CD300LF: variants seen among roughly 807,000 people sequenced by gnomAD.
CD300LF encodes the protein CD300 molecule like family member f, also known as CMRF35-like molecule 1.
Under a neutral mutation model 32.2 loss-of-function variants are expected in CD300LF, and 27 were observed. The observed-to-expected ratio is 0.84, with a 90% CI of 0.62 to 1.15. The LOEUF (loss-of-function observed/expected upper bound fraction) is 1.15. CD300LF is among the 50% of genes most tolerant of loss of function. The probability of loss-of-function intolerance (pLI) is 0.00; values close to 1 mark genes in which losing one functional copy is unlikely to be tolerated. For synonymous variants in CD300LF, 139 were observed against 143.2 expected (o/e 0.97, Z 0.21); for missense variants, 348 against 356.8 (o/e 0.98, Z 0.20).
Position 74,704,508 on chromosome 17 carries a change from C to T in CD300LF, c.352G>A (p.Gly118Arg), listed in dbSNP as rs751453870. ...CGIEKTGNDL[G>R]VTVQVTIDPA... ...TCAATGGTCACTTGAACTGTGACCC[C>T]AAGGTCATTTCCAGTTTTCTCAATT... The change falls in exon 2 of 7, where the codon GGG becomes AGG. Residue 118 changes from glycine to arginine, a missense_variant. Coordinates refer to ENST00000326165, the MANE Select transcript of CD300LF (RefSeq NM_139018.5). The T allele has an allele frequency of 6.2e-7, 1 of 1,613,916 alleles. No homozygotes were observed.
At chr17:74,698,540 A>G in intron 3 of CD300LF, 59 bp from the exon 4 acceptor site, 4 of 1,554,446 alleles carry the variant, frequency 2.6e-6, no homozygotes, top group Non-Finnish European at 3.5e-6. Flanking sequence ...TCTCAGCCCA[A>G]TCCCACCCAC....
At chr17:74,708,260 A>G (rs1490555702) in intron 1 of CD300LF, among the ~76,000 whole-genome samples, 1 of 152,218 alleles carries the variant, frequency 6.6e-6, no homozygotes, top group Non-Finnish European at 1.5e-5. Context: ...TTATATTTAA[A>G]TAAATCAAAT....
intron 3 of CD300LF, among the ~76,000 whole-genome samples, chr17:74,698,776 C>T (rs555733674): frequency 6.6e-6 from 1 of 152,288 alleles, no homozygotes; most frequent in South Asian, 2.1e-4. Context: ...TACCTATTAC[C>T]TGGGTGACAA....
chr17:74,703,121 C>T (rs775002575), intron 2 of CD300LF, 23 bp from the exon 3 acceptor site: 29 of 1,613,528 alleles, frequency 1.8e-5, no homozygotes, highest in African/African-American at 2.7e-5. Flanking sequence ...TGGAGGTAGG[C>T]GTGGTGGGGG....
At chr17:74,712,761 T>G in intron 1 of CD300LF, 63 bp downstream of exon 1, 1 of 1,584,440 alleles carries the variant, frequency 6.3e-7, no homozygotes, top group Non-Finnish European at 8.7e-7. Flanking sequence ...CCTTCTTCCC[T>G]CTCTCAGCCA....
At chr17:74,703,905 T>G (rs148908524) in intron 2 of CD300LF, among the ~76,000 whole-genome samples, 21 of 152,350 alleles carry the variant, frequency 1.4e-4, no homozygotes, top group Admixed American at 2.6e-4. Flanking sequence ...GAAATATCAT[T>G]AAGTCCACAC....
intron 1 of CD300LF, among the ~76,000 whole-genome samples, chr17:74,709,522 A>G (rs958794362): frequency 3.3e-5 from 5 of 152,146 alleles, no homozygotes; most frequent in Non-Finnish European, 5.9e-5. Flanking sequence ...ATTTTCCACA[A>G]TTAAAAAGAC....
intron 1 of CD300LF, chr17:74,705,363 A>G: frequency 1.5e-6 from 1 of 656,048 alleles, no homozygotes; most frequent in Non-Finnish European, 2.8e-6. Flanking sequence ...AGCAACGGCA[A>G]CTGGTCTCCA....
intron 1 of CD300LF, among the ~76,000 whole-genome samples, chr17:74,710,704 C>T (rs1161793683): frequency 1.4e-5 from 2 of 139,540 alleles, no homozygotes; most frequent in Non-Finnish European, 3.1e-5. Flanking sequence ...ACTAAAAATA[C>T]GAAAAAAAAA....
rs951527544 is a variant in CD300LF at position 74,704,676 on chromosome 17, A to G, written c.184T>C (p.Cys62Arg). The change falls in exon 2 of 7, where the codon TGC becomes CGC. Residue 62 changes from cysteine to arginine, a missense_variant. Coordinates refer to ENST00000326165, the MANE Select transcript of CD300LF (RefSeq NM_139018.5). ...CCACTGGTTTTAACAAGGATCTTGC[A>G]GTCACGCCAAATAGCTCCTCGACAC... Reference protein sequence around the residue: ...WWCRGAIWRDCKILVKTSGSE... With the variant: ...WWCRGAIWRDRKILVKTSGSE... 2 of 1,614,214 alleles carry G rather than the reference A, an allele frequency of 1.2e-6. No homozygotes were observed. Among genetic ancestry groups the G allele is most frequent in the African/African-American group, 1.3e-5 (1 of 75,052 alleles).
chr17:74,698,563 G>A (rs752233808), intron 3 of CD300LF, 82 bp from the exon 4 acceptor site: 5 of 1,534,994 alleles, frequency 3.3e-6, no homozygotes, highest in Middle Eastern at 1.7e-4. Context: ...AGCAGCAGGG[G>A]AGGGCCACAC....
At chr17:74,695,908 A>G in intron 5 of CD300LF, 49 bp from the exon 6 acceptor site, 1 of 1,585,550 alleles carries the variant, frequency 6.3e-7, no homozygotes, top group South Asian at 1.1e-5. Flanking sequence ...GTCTGTGGAC[A>G]CAGGTTCCTT....
Position 74,704,792 on chromosome 17 carries a change from G to A in CD300LF, c.68C>T (p.Thr23Ile). The A allele has an allele frequency of 6.2e-7, 1 of 1,613,436 alleles. No individual in the cohort carries two copies. Among genetic ancestry groups the A allele is most frequent in the Admixed American group, 1.7e-5 (1 of 60,004 alleles). The change falls in exon 2 of 7, where the codon ACC becomes ATC. Residue 23 changes from threonine to isoleucine, a missense_variant. Physicochemically the swap from Thr to Ile is moderately conservative, Grantham distance 89. Coordinates refer to ENST00000326165, the MANE Select transcript of CD300LF (RefSeq NM_139018.5). ...CAAGCCATTCACTGTTGTTGGACCG[G>A]TGATTTGAGTGACAATGGAGTAGCC... ...LSGYSIVTQITGPTTVNGLER... is the reference protein window; with the variant it reads ...LSGYSIVTQIIGPTTVNGLER...
In CD300LF at chr17:74,703,035, C is replaced by A; in HGVS notation, c.446G>T (p.Arg149Met). Residue 149 changes from arginine to methionine, a missense_variant and splice_region_variant, in exon 3 of 7, where the codon AGG becomes ATG. Arg to Met is a moderately conservative substitution (Grantham distance 91). Coordinates refer to ENST00000326165, the MANE Select transcript of CD300LF (RefSeq NM_139018.5). ...PTLTGHHLDN[R>M]HKLLKLSVLL... The stretch of plus-strand genomic sequence containing the variant: ...CACAGTGGAACCAGAGCTGGCTTAC[C>A]TGTTGTCCAAGTGGTGGCCGGTCAG... 6.2e-7 allele frequency: 1 copy of A among 1,612,728 alleles called. No individual in the cohort carries two copies. The highest frequency in any genetic ancestry group is 8.5e-7 in the Non-Finnish European group (1 of 1,178,784).
chr17:74,696,847 G>C (rs1238834704), intron 4 of CD300LF, among the ~76,000 whole-genome samples: 1 of 152,180 alleles, frequency 6.6e-6, no homozygotes, highest in Admixed American at 6.5e-5. Context: ...GCACCAAGCT[G>C]TCCCCCAACC....
chr17:74,703,899 T>A (rs1034007472), intron 2 of CD300LF, among the ~76,000 whole-genome samples: 8 of 152,088 alleles, frequency 5.3e-5, no homozygotes, highest in Non-Finnish European at 8.8e-5. Flanking sequence ...TAGGAAGAAA[T>A]ATCATTAAGT....
chr17:74,711,277 T>C (rs1213930190), intron 1 of CD300LF, among the ~76,000 whole-genome samples: 1 of 151,846 alleles, frequency 6.6e-6, no homozygotes, highest in African/African-American at 2.4e-5. Context: ...TTCTGCCCAC[T>C]TCAGACAGAG....
chr17:74,695,105 G>A lies in CD300LF; in HGVS notation c.864C>T (p.Ser288=). The A allele has an allele frequency of 6.2e-7, 1 of 1,613,710 alleles. No homozygotes were observed. Among genetic ancestry groups the A allele is most frequent in the Non-Finnish European group, 8.5e-7 (1 of 1,179,796 alleles). The change falls in exon 7 of 7, where the codon AGC becomes AGT. Residue 288 remains serine (S), a synonymous_variant. Transcript: ENST00000326165. The part of the protein sequence containing the change: ...PEEPTEYSTI[S]RP ...GAGCCTGGAGTGCAGGCTAAGGCCT[G>A]CTGATGGTGCTGTATTCCGTGGGCT... is the stretch of plus-strand genomic sequence containing the variant.
chr17:74,706,808 C>T (rs780832001), intron 1 of CD300LF, among the ~76,000 whole-genome samples: 4 of 152,180 alleles, frequency 2.6e-5, no homozygotes, highest in Non-Finnish European at 5.9e-5. Context: ...GGTATCCATG[C>T]GAAGGCACAG....
Sources: allele counts gnomAD v4.1 joint callset (sites outside exome capture counted in the v4.1 genomes callset), GRCh38; gene constraint gnomAD v4.1.1; transcripts MANE v1.5; gene names NCBI Gene and HGNC (gene_info 2026-07-23, HGNC 2026-07-21).